Variants in KCNN2 observed in about 807,000 individuals in gnomAD.
The protein encoded by KCNN2 is small conductance calcium-activated potassium channel protein 2.
KCNN2 carries 24 observed loss-of-function variants against 55.5 expected under a neutral mutation model. That is an observed-to-expected ratio of 0.43 (90% CI 0.31 to 0.61). The LOEUF is 0.61. Among genes scored for constraint, KCNN2 ranks in the 20% least tolerant of loss-of-function variants. The probability of loss-of-function intolerance (pLI) is 0.08; values close to 1 mark genes in which losing one functional copy is unlikely to be tolerated. For missense variants in KCNN2, 754 were observed against 853.6 expected (o/e 0.88, Z 1.45); for synonymous variants, 431 against 336.1 (o/e 1.28, Z -3.09).
At chr5:114,451,657 G>C (rs528273576) in intron 3 of KCNN2, among the ~76,000 whole-genome samples, 4 of 152,226 alleles carry the variant, frequency 2.6e-5, no homozygotes, top group Non-Finnish European at 5.9e-5. Context: ...AGCACTTTGG[G>C]AGGCCAAGGC....
intron 2 of KCNN2, among the ~76,000 whole-genome samples, chr5:114,368,774 T>C (rs534039775): frequency 6.6e-6 from 1 of 152,300 alleles, no homozygotes; most frequent in Non-Finnish European, 1.5e-5. Flanking sequence ...ACCTTCAGAA[T>C]TTCAATACGG....
At chr5:114,117,497 C>G (rs1339763277) in intron 1 of KCNN2, among the ~76,000 whole-genome samples, 1 of 152,158 alleles carries the variant, frequency 6.6e-6, no homozygotes, top group African/African-American at 2.4e-5. Flanking sequence ...TCAGCAACGG[C>G]AAAATGTACT....
chr5:114,109,305 A>G (rs1002012309), intron 1 of KCNN2, among the ~76,000 whole-genome samples: 1 of 152,246 alleles, frequency 6.6e-6, no homozygotes, highest in South Asian at 2.1e-4. Flanking sequence ...AGAATCAGTC[A>G]TTAAGGTCTG....
intron 2 of KCNN2, among the ~76,000 whole-genome samples, chr5:114,262,582 C>G (rs1210504944): frequency 6.6e-6 from 1 of 152,114 alleles, no homozygotes; most frequent in Non-Finnish European, 1.5e-5. Flanking sequence ...GGCAATTGCC[C>G]TCCCTGTAAA....
At chr5:114,312,424 C>CAT (rs1756414912) in intron 2 of KCNN2, among the ~76,000 whole-genome samples, 10 of 60,194 alleles carry the variant, frequency 1.7e-4, no homozygotes, top group African/African-American at 1.5e-4. Flanking sequence ...CACACACACA[C>CAT]ACACACACAC....
At chr5:114,481,922 TA>T (rs1156794423) in intron 5 of KCNN2, among the ~76,000 whole-genome samples, 7 of 152,164 alleles carry the variant, frequency 4.6e-5, no homozygotes, top group Non-Finnish European at 1.0e-4. Context: ...CCCAAAACTA[TA>T]AAAACCCTAG....
chr5:114,349,456 C>T (rs1185102010), intron 2 of KCNN2, among the ~76,000 whole-genome samples: 1 of 152,052 alleles, frequency 6.6e-6, no homozygotes, highest in Non-Finnish European at 1.5e-5. Flanking sequence ...AAATTACCTT[C>T]AGGCTATGTG....
intron 1 of KCNN2, among the ~76,000 whole-genome samples, chr5:114,184,204 C>T (rs1179572960): frequency 2.0e-5 from 3 of 152,140 alleles, no homozygotes; most frequent in Non-Finnish European, 4.4e-5. Flanking sequence ...TCATAGTGTT[C>T]TCAAAACATG....
chr5:114,284,974 T>C (rs2150014595), intron 2 of KCNN2, among the ~76,000 whole-genome samples: 1 of 152,046 alleles, frequency 6.6e-6, no homozygotes, highest in Non-Finnish European at 1.5e-5. Context: ...GATTTTGTTA[T>C]GGTACCTTGG....
At chr5:114,242,501 A>G (rs1282105349) in intron 2 of KCNN2, among the ~76,000 whole-genome samples, 2 of 152,216 alleles carry the variant, frequency 1.3e-5, no homozygotes, top group Admixed American at 6.5e-5. Context: ...TAGTGACACC[A>G]GTTGAGACAC....
chr5:114,147,824 G>A (rs1232757659), intron 1 of KCNN2, among the ~76,000 whole-genome samples: 6 of 152,132 alleles, frequency 3.9e-5, no homozygotes, highest in South Asian at 2.1e-4. Flanking sequence ...TTAATGGCGC[G>A]AGCTTCTAGG....
chr5:114,439,813 GT>G (rs1334586967), intron 3 of KCNN2, among the ~76,000 whole-genome samples: 1 of 152,184 alleles, frequency 6.6e-6, no homozygotes, highest in Non-Finnish European at 1.5e-5. Flanking sequence ...CCCAGGCTGG[GT>G]GGGGTGTGTG....
chr5:114,475,008 T>G lies in KCNN2; in HGVS notation c.1890+1844T>G, dbSNP rs554672603. ...CATCTTAAGAAGGAAGCATATAGTT[T>G]CTCTAAATATTACTTTGGAATATTG... On this transcript the variant is annotated intron_variant, in intron 5 of 7. Coordinates refer to ENST00000673685, the MANE Select transcript of KCNN2 (RefSeq NM_021614.4). Among the ~76,000 whole-genome samples, 9 of 152,276 alleles carry G rather than the reference T, an allele frequency of 5.9e-5. No homozygotes were observed. The East Asian group carries it at 1.7e-3, about 29-fold the overall frequency.
intron 1 of KCNN2, among the ~76,000 whole-genome samples, chr5:114,088,564 A>G (rs1195543077): frequency 6.6e-6 from 1 of 151,704 alleles, no homozygotes; most frequent in Non-Finnish European, 1.5e-5. Flanking sequence ...TTCTTCTTCA[A>G]TATCTAATCT....
chr5:114,113,861 C>G (rs541314662), intron 1 of KCNN2, among the ~76,000 whole-genome samples: 2 of 152,134 alleles, frequency 1.3e-5, no homozygotes, highest in South Asian at 4.1e-4. Flanking sequence ...TCAGGAGTTT[C>G]TGGTTTTAGT....
intron 3 of KCNN2, among the ~76,000 whole-genome samples, chr5:114,413,422 C>T (rs186524736): frequency 5.9e-5 from 9 of 152,080 alleles, no homozygotes; most frequent in Non-Finnish European, 1.2e-4. Context: ...GTAGCTGGGA[C>T]TACAGGTGCC....
chr5:114,061,234 C>A (rs1404868728), intron 1 of KCNN2, among the ~76,000 whole-genome samples: 1 of 152,158 alleles, frequency 6.6e-6, no homozygotes, highest in Non-Finnish European at 1.5e-5. Context: ...CAGACAATTG[C>A]AAATACACAT....
intron 2 of KCNN2, among the ~76,000 whole-genome samples, chr5:114,251,035 A>G (rs1754847447): frequency 6.6e-6 from 1 of 152,230 alleles, no homozygotes; most frequent in African/African-American, 2.4e-5. Flanking sequence ...ATGGATTTCT[A>G]ATTTCTCCAA....
At chr5:114,453,369 G>A (rs1008589099) in intron 3 of KCNN2, among the ~76,000 whole-genome samples, 1 of 152,124 alleles carries the variant, frequency 6.6e-6, no homozygotes. Flanking sequence ...AACAAATAAT[G>A]TTAGAGGCAA....
Sources: allele counts gnomAD v4.1 joint callset (sites outside exome capture counted in the v4.1 genomes callset), GRCh38; gene constraint gnomAD v4.1.1; transcripts MANE v1.5; gene names NCBI Gene and HGNC (gene_info 2026-07-23, HGNC 2026-07-21).